Variants in LUZP1 observed in about 807,000 individuals in gnomAD.
LUZP1 encodes filamin mechanobinding actin cross-linking protein.
Under a neutral mutation model 71.3 loss-of-function variants are expected in LUZP1, and 25 were observed. The ratio of observed to expected loss-of-function variants is 0.35; its 90% CI spans 0.26 to 0.49. LUZP1 has a LOEUF of 0.49. LUZP1 is among the 20% of genes least tolerant of loss of function. LUZP1 has a pLI of 0.99. For synonymous variants in LUZP1, 481 were observed against 506.4 expected (o/e 0.95, Z 0.67); for missense variants, 1,142 against 1,300.8 (o/e 0.88, Z 1.88).
Position 23,094,292 on chromosome 1 carries a change from G to A in LUZP1, c.-31C>T, listed in dbSNP as rs373518678. On this transcript the variant is annotated 5_prime_UTR_variant, in exon 4 of 5. Transcript: ENST00000302291. This position sits in a 1 kb window ranked among gnomAD's most constrained non-coding sequence, Gnocchi z 4.7. ...CTGCCAGCCAATGTGGGCTCCTAGAGGCATCCAATTCCACTCAAGGGGATG... is the reference window on the plus strand; with the variant it reads ...CTGCCAGCCAATGTGGGCTCCTAGAAGCATCCAATTCCACTCAAGGGGATG... 6.4e-7 allele frequency: 1 copy of A among 1,552,482 alleles called. No individual in the cohort carries two copies. The highest frequency in any genetic ancestry group is 2.3e-5 in the East Asian group (1 of 44,414).
intron 2 of LUZP1, among the ~76,000 whole-genome samples, chr1:23,142,586 A>G (rs533025716): frequency 1.3e-5 from 2 of 152,090 alleles, no homozygotes; most frequent in African/African-American, 4.8e-5. Flanking sequence ...TGATGGGGCC[A>G]GAATTACACA....
At chr1:23,154,031 G>A (rs1374287071) in intron 2 of LUZP1, among the ~76,000 whole-genome samples, 1 of 152,160 alleles carries the variant, frequency 6.6e-6, no homozygotes, top group Admixed American at 6.5e-5. Context: ...GCAATAATGT[G>A]GATGAACCTC....
chr1:23,123,531 G>A (rs981349119), intron 2 of LUZP1, among the ~76,000 whole-genome samples: 3 of 150,066 alleles, frequency 2.0e-5, no homozygotes, highest in Non-Finnish European at 4.4e-5. Flanking sequence ...GCTATCTCAA[G>A]GTTGAAGTGA....
chr1:23,085,678 G>T (rs139076782), exon 5 of LUZP1: 22 of 152,430 alleles, frequency 1.4e-4, no homozygotes, highest in African/African-American at 5.1e-4. Flanking sequence ...CTCCACTGAC[G>T]GGGGTTATTT....
chr1:23,094,142 T>C lies in LUZP1; in HGVS notation c.120A>G (p.Ala40=), dbSNP rs761193439. The C allele has an allele frequency of 2.5e-6, 4 of 1,614,214 alleles. No homozygotes were observed. Among genetic ancestry groups the C allele is most frequent in the Non-Finnish European group, 3.4e-6 (4 of 1,180,034 alleles). ...CCTGGAGATCCAGGAGTTCATCCTC[T>C]GCTTTCTGGAGGTTTTTTGTGGCTT... Residue 40 remains alanine, a synonymous_variant, in exon 4 of 5, where the codon GCA becomes GCG. Transcript: ENST00000302291. This position sits in a 1 kb window ranked among gnomAD's most constrained non-coding sequence, Gnocchi z 4.7.
chr1:23,126,135 G>A (rs932615410), intron 2 of LUZP1, among the ~76,000 whole-genome samples: 1 of 152,096 alleles, frequency 6.6e-6, no homozygotes, highest in African/African-American at 2.4e-5. Context: ...TTCTGGAATG[G>A]TATAACCCAC....
chr1:23,109,617 C>G (rs895806540), intron 2 of LUZP1: 5 of 152,180 alleles, frequency 3.3e-5, no homozygotes, highest in African/African-American at 1.2e-4. Flanking sequence ...AGTCAAAATA[C>G]AGGCACACAA....
At chr1:23,162,023 CAAAAAAAAAAA>C (rs377371342) in intron 2 of LUZP1, among the ~76,000 whole-genome samples, 4 of 59,514 alleles carry the variant, frequency 6.7e-5, no homozygotes, top group Non-Finnish European at 9.7e-5. Flanking sequence ...GAGACTGTCT[CAAAAAAAAAAA>C]AAAAAAAAAA....
At chr1:23,151,057 T>C (rs1447970111) in intron 2 of LUZP1, among the ~76,000 whole-genome samples, 1 of 152,128 alleles carries the variant, frequency 6.6e-6, no homozygotes, top group Non-Finnish European at 1.5e-5. Context: ...GTTTGTTTAT[T>C]TTTTTAGGCA....
At chr1:23,091,356 C>T (rs2124587739) in exon 4 of LUZP1, 4 of 1,614,164 alleles carry the variant, frequency 2.5e-6, no homozygotes, top group Non-Finnish European at 3.4e-6. Flanking sequence ...CTCAAAAAGG[C>T]AGGACCTGGG....
At chr1:23,131,584 T>C (rs1300038150) in intron 2 of LUZP1, among the ~76,000 whole-genome samples, 3 of 152,180 alleles carry the variant, frequency 2.0e-5, no homozygotes, top group East Asian at 3.8e-4. Flanking sequence ...TCAATAAATA[T>C]TAATCCAAAA....
chr1:23,098,819 T>G (rs1643910455), intron 3 of LUZP1, among the ~76,000 whole-genome samples: 1 of 152,160 alleles, frequency 6.6e-6, no homozygotes, highest in Non-Finnish European at 1.5e-5. Flanking sequence ...GAAAAACAAC[T>G]GAAATTGGGC....
At chr1:23,117,620 T>C (rs1476323422) in intron 2 of LUZP1, among the ~76,000 whole-genome samples, 1 of 150,464 alleles carries the variant, frequency 6.6e-6, no homozygotes, top group Non-Finnish European at 1.5e-5. Flanking sequence ...AGAGGTATAA[T>C]AAGGCAGCAT....
intron 1 of LUZP1, among the ~76,000 whole-genome samples, chr1:23,173,669 C>A (rs1257717598): frequency 1.3e-5 from 2 of 152,022 alleles, no homozygotes; most frequent in Non-Finnish European, 2.9e-5. Flanking sequence ...TTTTGCTGTT[C>A]TGTGTGTGCA....
rs12732905 is a variant in LUZP1 at position 23,110,739 on chromosome 1, A to G, written c.-225-1612T>C. On this transcript the variant is annotated intron_variant, in intron 2 of 4. Coordinates refer to ENST00000302291, the Ensembl canonical transcript of LUZP1. ...TGGACAAATAATGAGAGTTTTTTAA[A>G]AACAGCTTAAAAGATGAGGGGAACA... 8.3e-3 allele frequency among the ~76,000 whole-genome samples: 1,257 copies of G among 152,302 alleles called. 10 individuals are homozygous for G. Among genetic ancestry groups the G allele is most frequent in the Middle Eastern group, 0.02 (6 of 294 alleles).
In LUZP1 at chr1:23,148,986, T is replaced by C. The variant is rs141139047; in HGVS notation, c.-226+19780A>G. ...GTCCTAGCTACTCAAGAGGCAGAGG[T>C]TGGAGGATCACTTGAGCCTGGGAGG... On this transcript the variant is annotated intron_variant, in intron 2 of 4. Coordinates refer to ENST00000302291, the Ensembl canonical transcript of LUZP1. Among the ~76,000 whole-genome samples the C allele has an allele frequency of 6.1e-3, 867 of 141,746 alleles. 5 individuals are homozygous for C. The highest frequency in any genetic ancestry group is 0.019 in the African/African-American group (722 of 37,388). The allele number at this position is 141,746 out of a possible 152,430, so 93.0% of individuals were successfully genotyped here. A position where few individuals can be genotyped will look rare whatever the true frequency, so the allele number is the denominator to read the frequency against.
chr1:23,146,669 G>A (rs571086230), intron 2 of LUZP1, among the ~76,000 whole-genome samples: 20 of 152,122 alleles, frequency 1.3e-4, no homozygotes, highest in African/African-American at 3.4e-4. Context: ...AGTGGTGTGC[G>A]CCTACAGTCC....
chr1:23,133,563 G>A (rs947515269), intron 2 of LUZP1: 1 of 152,110 alleles, frequency 6.6e-6, no homozygotes, highest in Non-Finnish European at 1.5e-5. Flanking sequence ...AGGAGTTTGA[G>A]AACAGCCTGG....
At chr1:23,130,551 A>G (rs1644206789) in intron 2 of LUZP1, among the ~76,000 whole-genome samples, 2 of 120,426 alleles carry the variant, frequency 1.7e-5, no homozygotes, top group Admixed American at 9.9e-5. Context: ...TTTTTTAGAG[A>G]TGGGGTCTCA....
Sources: gnomAD v4.1 joint callset for allele counts (sites outside exome capture counted in the v4.1 genomes callset) on GRCh38, gnomAD v4.1.1 for gene constraint, Gnocchi (gnomAD v3.1) non-coding constraint, MANE v1.5 for transcripts, NCBI Gene and HGNC (gene_info 2026-07-23, HGNC 2026-07-21) for gene names.